TVP23A: variants seen among roughly 807,000 people sequenced by gnomAD.
TVP23A encodes the protein trans-golgi network vesicle protein 23 homolog A.
TVP23A carries 21 observed loss-of-function variants against 31.7 expected under a neutral mutation model. The observed-to-expected ratio is 0.66, with a 90% CI of 0.47 to 0.95. The LOEUF is 0.95. Among genes scored for constraint, TVP23A ranks in the 40% least tolerant of loss-of-function variants. The probability of loss-of-function intolerance (pLI) is 0.00; values close to 1 mark genes in which losing one functional copy is unlikely to be tolerated. For synonymous variants in TVP23A, 104 were observed against 96.0 expected (o/e 1.08, Z -0.49); for missense variants, 279 against 255.6 (o/e 1.09, Z -0.62).
At chr16:10,778,191 A>G (rs2032190987) in intron 2 of TVP23A, among the ~76,000 whole-genome samples, 1 of 149,872 alleles carries the variant, frequency 6.7e-6, no homozygotes, top group Non-Finnish European at 1.5e-5. Context: ...AAAATTAGCC[A>G]GTTGTGGTGG....
intron 7 of TVP23A, 46 bp downstream of exon 7, chr16:10,770,226 A>G: frequency 6.5e-7 from 1 of 1,547,524 alleles, no homozygotes; most frequent in Non-Finnish European, 8.7e-7. Flanking sequence ...TGCATTTTTC[A>G]GAATTCCCCA....
intron 2 of TVP23A, among the ~76,000 whole-genome samples, chr16:10,803,609 G>A (rs1281938079): frequency 1.3e-5 from 2 of 152,200 alleles, no homozygotes. Flanking sequence ...ACGGTGCAGG[G>A]TCCCATCAGC....
At chr16:10,815,560 G>A (rs1240386339) in intron 2 of TVP23A, among the ~76,000 whole-genome samples, 2 of 152,212 alleles carry the variant, frequency 1.3e-5, no homozygotes, top group East Asian at 3.8e-4. Context: ...TTTATGGATG[G>A]GCTGCTACTG....
At position 10,779,751 on chromosome 16, in the gene TVP23A, T is replaced by C. The variant is rs2032304806; in HGVS notation, c.90-4655A>G. Reference sequence around the variant, plus strand: ...ATTACCAAGTTTTCCAGAGCTTATATACCTTCTGAGCTATATGTCATGGAT... The same window carrying C: ...ATTACCAAGTTTTCCAGAGCTTATACACCTTCTGAGCTATATGTCATGGAT... On this transcript the variant is annotated intron_variant, in intron 2 of 7. Transcript: ENST00000299866. The surrounding 1 kb of genome is among the most constrained non-coding windows in gnomAD (Gnocchi z 4.9). 1.3e-5 allele frequency among the ~76,000 whole-genome samples: 2 copies of C among 152,246 alleles called. No individual in the cohort carries two copies. Among genetic ancestry groups the C allele is most frequent in the African/African-American group, 2.4e-5 (1 of 41,474 alleles).
intron 2 of TVP23A, among the ~76,000 whole-genome samples, chr16:10,807,992 T>A (rs1044729546): frequency 6.6e-6 from 1 of 152,160 alleles, no homozygotes; most frequent in Non-Finnish European, 1.5e-5. Context: ...GGATTACAGG[T>A]GCATGCCACC....
Position 10,774,019 on chromosome 16 carries a change from C to G in TVP23A, c.324+20G>C, listed in dbSNP as rs1429454226. ...CCCATTATCCCCGCTCTGGTTAGTT[C>G]AGCTCGTCATGGAGAATACCTTCCT... On this transcript the variant is annotated intron_variant, in intron 4 of 7. Transcript: ENST00000299866. The G allele has an allele frequency of 1.9e-6, 3 of 1,593,376 alleles. No individual in the cohort carries two copies. The highest frequency in any genetic ancestry group is 2.6e-6 in the Non-Finnish European group (3 of 1,166,148).
chr16:10,810,464 T>C (rs929054768), intron 2 of TVP23A, among the ~76,000 whole-genome samples: 1 of 151,380 alleles, frequency 6.6e-6, no homozygotes, highest in Admixed American at 6.6e-5. Flanking sequence ...GGAGGATCAA[T>C]TGAGCCCGGG....
intron 2 of TVP23A, among the ~76,000 whole-genome samples, chr16:10,782,713 A>C (rs2032499630): frequency 6.6e-6 from 1 of 152,132 alleles, no homozygotes; most frequent in African/African-American, 2.4e-5. Flanking sequence ...TATTTTGCCC[A>C]GGCTGGTCTC....
chr16:10,818,286 T>G lies in TVP23A; in HGVS notation c.10-104A>C. 1 of 1,000,130 alleles carries G rather than the reference T, an allele frequency of 1.0e-6. No homozygotes were observed. The highest frequency in any genetic ancestry group is 1.4e-6 in the Non-Finnish European group (1 of 728,200). 62.0% of individuals were successfully genotyped at this position (1,000,130 alleles called of 1,614,324 possible). On this transcript the variant is annotated intron_variant, in intron 1 of 7. Transcript: ENST00000299866. The surrounding 1 kb of genome is among the most constrained non-coding windows in gnomAD (Gnocchi z 4.7). ...TGGACTCCACTTGCACCCCACCGGG[T>G]TCCCAAGTGGACCCTCCGAGCTGGC...
intron 6 of TVP23A, among the ~76,000 whole-genome samples, chr16:10,770,868 C>CAAAAAAAAAAAAAAAAAAAAAA (rs376701429): frequency 3.0e-5 from 2 of 66,458 alleles, no homozygotes; most frequent in Non-Finnish European, 6.0e-5. Context: ...ACTCCCATCT[C>CAAAAAAAAAAAAAAAAAAAAAA]AAAAAAAAAA....
chr16:10,818,487 G>A lies in TVP23A; in HGVS notation c.7C>T (p.Gln3Ter), dbSNP rs753851363. MK[Q>*]ALVDDTEDVS... is the part of the protein sequence containing the mutation. ...CCCCAGCATCCCCGAGGCCCTACCTGCTTCATCACCCTCCCAGGAGCCCAC... is the reference window on the plus strand; with the variant it reads ...CCCCAGCATCCCCGAGGCCCTACCTACTTCATCACCCTCCCAGGAGCCCAC... The change falls in exon 1 of 8, where the codon CAG becomes TAG. Residue 3 changes from glutamine (Q) to a stop codon, truncating the protein, a stop_gained and splice_region_variant. Coordinates refer to ENST00000299866, the MANE Select transcript of TVP23A (RefSeq NM_001079512.4). LOFTEE classifies it high-confidence loss of function. This position sits in a 1 kb window ranked among gnomAD's most constrained non-coding sequence, Gnocchi z 4.7. 1.2e-6 allele frequency: 2 copies of A among 1,604,936 alleles called. No individual in the cohort carries two copies. Among genetic ancestry groups the A allele is most frequent in the South Asian group, 1.1e-5 (1 of 90,240 alleles).
intron 2 of TVP23A, among the ~76,000 whole-genome samples, chr16:10,793,121 T>C (rs540678870): frequency 3.3e-5 from 5 of 152,166 alleles, no homozygotes; most frequent in Admixed American, 3.3e-4. Context: ...AAACCCTGTC[T>C]CTACTCAAAA....
chr16:10,781,712 A>G (rs1019544183), intron 2 of TVP23A, among the ~76,000 whole-genome samples: 6 of 152,190 alleles, frequency 3.9e-5, no homozygotes, highest in Non-Finnish European at 8.8e-5. Flanking sequence ...CTGCTTTTGT[A>G]AATGAAGTGT....
intron 2 of TVP23A, among the ~76,000 whole-genome samples, chr16:10,800,535 G>T (rs2142997176): frequency 6.6e-6 from 1 of 152,344 alleles, no homozygotes; most frequent in Non-Finnish European, 1.5e-5. Context: ...ATGGACATCA[G>T]TGGTAAACCC....
chr16:10,771,562 T>C, intron 6 of TVP23A, 108 bp downstream of exon 6: 1 of 1,391,452 alleles, frequency 7.2e-7, no homozygotes, highest in African/African-American at 1.4e-5. Context: ...AATAAAACAT[T>C]GGCAGCCTGG....
At chr16:10,762,794 G>A (rs1463020371), downstream of TVP23A, among the ~76,000 whole-genome samples, 1 of 152,042 alleles carries the variant, frequency 6.6e-6, no homozygotes, top group East Asian at 1.9e-4. Context: ...GCCTGGCCAG[G>A]AGAGGGTGGG....
chr16:10,775,333 T>G, intron 2 of TVP23A: 28 of 1,312,646 alleles, frequency 2.1e-5, no homozygotes, highest in East Asian at 6.4e-5. Context: ...ATCCAGTACT[T>G]TCCCGCCACT....
chr16:10,798,954 G>A, intron 2 of TVP23A, among the ~76,000 whole-genome samples: 1 of 152,330 alleles, frequency 6.6e-6, no homozygotes, highest in South Asian at 2.1e-4. Context: ...GAGCCACCAA[G>A]CCCAGGTGAC....
At chr16:10,787,870 C>CAT (rs1196839736) in intron 2 of TVP23A, among the ~76,000 whole-genome samples, 1 of 152,178 alleles carries the variant, frequency 6.6e-6, no homozygotes, top group East Asian at 1.9e-4. Context: ...TTGAGCCTCA[C>CAT]ATTATCCATC....
Sources: gnomAD v4.1 joint callset for allele counts (sites outside exome capture counted in the v4.1 genomes callset) on GRCh38, gnomAD v4.1.1 for gene constraint, Gnocchi (gnomAD v3.1) non-coding constraint, MANE v1.5 for transcripts, NCBI Gene and HGNC (gene_info 2026-07-23, HGNC 2026-07-21) for gene names.